Variants in SCUBE2 observed in about 807,000 individuals in gnomAD.
SCUBE2 encodes the protein signal peptide, CUB domain and EGF like domain containing 2.
In SCUBE2, 114 loss-of-function variants were observed where a neutral mutation model predicts 125.9. The observed-to-expected ratio is 0.91, with a 90% CI of 0.78 to 1.06. SCUBE2 has a LOEUF of 1.06. Among genes scored for constraint, SCUBE2 ranks in the 50% least tolerant of loss-of-function variants. The pLI, the probability that SCUBE2 is intolerant of heterozygous loss-of-function variation, is 0.00. For synonymous variants in SCUBE2, 459 were observed against 492.9 expected (o/e 0.93, Z 0.91); for missense variants, 1,255 against 1,301.8 (o/e 0.96, Z 0.55).
Position 9,065,882 on chromosome 11 carries a change from G to C in SCUBE2, c.850+9C>G, listed in dbSNP as rs764016184. 1 of 1,612,432 alleles carries C rather than the reference G, an allele frequency of 6.2e-7. No homozygotes were observed. The highest frequency in any genetic ancestry group is 1.7e-5 in the Admixed American group (1 of 60,006). The stretch of plus-strand genomic sequence containing the variant: ...GCAGTGGCCAAGGAAAGGGAGTGAA[G>C]GTGCCTACCCATGAGCAGCCGCCGT... On this transcript the variant is annotated intron_variant, in intron 7 of 22. Coordinates refer to ENST00000649792, the MANE Select transcript of SCUBE2 (RefSeq NM_001367977.2).
intron 21 of SCUBE2, among the ~76,000 whole-genome samples, chr11:9,023,853 T>C (rs554006586): frequency 6.6e-6 from 1 of 152,336 alleles, no homozygotes; most frequent in South Asian, 2.1e-4. Context: ...CAGTCAGCAA[T>C]GCTCAATGTG....
In SCUBE2 at chr11:9,063,077, T is replaced by C. The variant is rs1234874227; in HGVS notation, c.851-2553A>G. Among the ~76,000 whole-genome samples the C allele has an allele frequency of 2.7e-5, 4 of 149,558 alleles. No individual in the cohort carries two copies. In the East Asian group the frequency reaches 7.8e-4, roughly 29 times the overall value. ...CAACATAGCAAAATCCCTTTTCTAC[T>C]AAAAATACAAAAAAAAAAATTAGCC... On this transcript the variant is annotated intron_variant, in intron 7 of 22. Coordinates refer to ENST00000649792, the MANE Select transcript of SCUBE2 (RefSeq NM_001367977.2).
At chr11:9,032,019 G>A (rs1430545697) in intron 17 of SCUBE2, among the ~76,000 whole-genome samples, 2 of 152,136 alleles carry the variant, frequency 1.3e-5, no homozygotes, top group Non-Finnish European at 2.9e-5. Context: ...ATGATTATAT[G>A]AATTGTGAAT....
rs1055100745 is a variant in SCUBE2 at position 9,053,015 on chromosome 11, C to A, written c.1447+84G>T. On this transcript the variant is annotated intron_variant, in intron 12 of 22. Coordinates refer to ENST00000649792, the MANE Select transcript of SCUBE2 (RefSeq NM_001367977.2). Reference sequence around the variant, plus strand: ...GGGCATCTGGCGGAGGACCTGGAAGCCCTTTGAGGGAATCTAACACCTGGA... The same window carrying A: ...GGGCATCTGGCGGAGGACCTGGAAGACCTTTGAGGGAATCTAACACCTGGA... The A allele has an allele frequency of 4.8e-6, 6 of 1,256,084 alleles. No homozygotes were observed. In the Admixed American group the frequency reaches 9.2e-5, roughly 19 times the overall value. The allele number at this position is 1,256,084 out of a possible 1,614,324, so 77.8% of individuals were successfully genotyped here. A position where few individuals can be genotyped will look rare whatever the true frequency, so the allele number is the denominator to read the frequency against.
intron 2 of SCUBE2, 105 bp downstream of exon 2, chr11:9,089,602 A>C: frequency 7.8e-7 from 1 of 1,274,818 alleles, no homozygotes; most frequent in Non-Finnish European, 1.1e-6. Flanking sequence ...GCTGGGGGAA[A>C]GGGAGAGGAG....
chr11:9,049,571 C>T (rs1477682392), intron 14 of SCUBE2, among the ~76,000 whole-genome samples: 1 of 152,148 alleles, frequency 6.6e-6, no homozygotes, highest in Admixed American at 6.5e-5. Context: ...GCAATGGCCC[C>T]TCCCTTCACC....
chr11:9,086,924 A>T (rs1460686013), intron 2 of SCUBE2, among the ~76,000 whole-genome samples: 1 of 151,954 alleles, frequency 6.6e-6, no homozygotes, highest in Non-Finnish European at 1.5e-5. Flanking sequence ...TATTCAAAAG[A>T]TCAAATTCTT....
At chr11:9,072,551 G>C (rs1400167383) in intron 4 of SCUBE2, among the ~76,000 whole-genome samples, 1 of 152,170 alleles carries the variant, frequency 6.6e-6, no homozygotes, top group Admixed American at 6.5e-5. Context: ...AGTTTAATGT[G>C]CATATCAGAG....
At chr11:9,076,498 C>T (rs1380159475) in intron 3 of SCUBE2, among the ~76,000 whole-genome samples, 2 of 151,818 alleles carry the variant, frequency 1.3e-5, no homozygotes, top group African/African-American at 4.8e-5. Context: ...ACAGCAGGCG[C>T]TCATTAACTA....
At chr11:9,025,220 A>C (rs1960181) in intron 21 of SCUBE2, among the ~76,000 whole-genome samples, 116,779 of 152,178 alleles carry the variant, frequency 0.77, 45,098 homozygotes, top group East Asian at 1. Context: ...GACCAGAACT[A>C]AGGTCCTTCC....
chr11:9,089,855 G>T, intron 1 of SCUBE2, 26 bp from the exon 2 acceptor site: 1 of 1,610,674 alleles, frequency 6.2e-7, no homozygotes, highest in Non-Finnish European at 8.5e-7. Flanking sequence ...GCTGACACCT[G>T]GTACAGGCTC....
intron 7 of SCUBE2, 81 bp from the exon 8 acceptor site, chr11:9,060,605 C>A (rs1314134903): frequency 1.7e-6 from 2 of 1,159,258 alleles, no homozygotes; most frequent in Non-Finnish European, 2.5e-6. Flanking sequence ...AGCCAAGAAG[C>A]ATGGTGGGGT....
chr11:9,054,701 GTATATATATATATA>G (rs1210852364), intron 10 of SCUBE2, among the ~76,000 whole-genome samples: 2 of 51,060 alleles, frequency 3.9e-5, no homozygotes, highest in East Asian at 1.4e-3. Flanking sequence ...AAGCACTAGT[GTATATATATATATA>G]TATATATATA....
At chr11:9,061,050 A>G (rs1859631299) in intron 7 of SCUBE2, among the ~76,000 whole-genome samples, 1 of 152,214 alleles carries the variant, frequency 6.6e-6, no homozygotes. Flanking sequence ...TGAAAGGAGA[A>G]AGCCCTGTCA....
chr11:9,033,279 T>C (rs569931091), intron 17 of SCUBE2, among the ~76,000 whole-genome samples: 1 of 152,148 alleles, frequency 6.6e-6, no homozygotes, highest in African/African-American at 2.4e-5. Flanking sequence ...AACCCAGACC[T>C]CCTCTCTTCA....
At chr11:9,027,819 G>A (rs144956300) in intron 19 of SCUBE2, among the ~76,000 whole-genome samples, 84 of 152,254 alleles carry the variant, frequency 5.5e-4, no homozygotes, top group Non-Finnish European at 1.1e-3. Flanking sequence ...GGTCAGGGCA[G>A]GTAATTGTGA....
At position 9,091,301 on chromosome 11, in the gene SCUBE2, C is replaced by T. The variant is rs965217509; in HGVS notation, c.133+95G>A. 2 of 910,292 alleles carry T rather than the reference C, an allele frequency of 2.2e-6. No homozygotes were observed. Among genetic ancestry groups the T allele is most frequent in the African/African-American group, 3.5e-5 (2 of 57,152 alleles). The allele number at this position is 910,292 out of a possible 1,614,324, so 56.4% of individuals were successfully genotyped here. A position where few individuals can be genotyped will look rare whatever the true frequency, so the allele number is the denominator to read the frequency against. On this transcript the variant is annotated intron_variant, in intron 1 of 22. Coordinates refer to ENST00000649792, the MANE Select transcript of SCUBE2 (RefSeq NM_001367977.2). The surrounding 1 kb of genome is among the most constrained non-coding windows in gnomAD (Gnocchi z 8.5). ...CGGAGCTGCAGCCGCCAGCCCCGAG[C>T]CCCGCGCGCCCGGCTCTGGACTCCG... is the stretch of plus-strand genomic sequence containing the variant.
At chr11:9,051,245 T>C (rs868098084) in intron 13 of SCUBE2, among the ~76,000 whole-genome samples, 5 of 126,466 alleles carry the variant, frequency 4.0e-5, no homozygotes, top group South Asian at 3.5e-4. Flanking sequence ...TACCTATCTA[T>C]CTATCTATCT....
At chr11:9,053,299 GC>G (rs1858625911) in intron 11 of SCUBE2, 84 bp from the exon 12 acceptor site, 5 of 1,141,126 alleles carry the variant, frequency 4.4e-6, no homozygotes, top group Non-Finnish European at 6.6e-6. Flanking sequence ...TGCACCAAAG[GC>G]CCCAAGAAAA....
Sources: gnomAD v4.1 joint callset for allele counts (sites outside exome capture counted in the v4.1 genomes callset) on GRCh38, gnomAD v4.1.1 for gene constraint, Gnocchi (gnomAD v3.1) non-coding constraint, MANE v1.5 for transcripts, NCBI Gene and HGNC (gene_info 2026-07-23, HGNC 2026-07-21) for gene names.